The following SYNPR variants were observed in gnomAD, a reference collection of about 807,000 sequenced individuals.
The protein encoded by SYNPR is synaptoporin.
Under a neutral mutation model 32.9 loss-of-function variants are expected in SYNPR, and 23 were observed. That is an observed-to-expected ratio of 0.70 (90% CI 0.50 to 0.99). The LOEUF (loss-of-function observed/expected upper bound fraction) is 0.99, where lower values mean the gene tolerates loss of function less well. Among genes scored for constraint, SYNPR ranks in the 50% least tolerant of loss-of-function variants. The pLI is 0.00. For synonymous variants in SYNPR, 146 were observed against 135.9 expected, an observed-to-expected ratio of 1.07 and a Z score of -0.52; for missense variants, 318 against 349.3, an observed-to-expected ratio of 0.91 and a Z score of 0.71.
At chr3:63,205,876 T>C in the SYNPR span, among the ~76,000 whole-genome samples, 1 of 152,246 alleles carries the variant, frequency 6.6e-6, no homozygotes, top group Admixed American at 6.5e-5. Context: ...TGGACATTTC[T>C]GGCCATGAAT....
chr3:63,607,944 C>A (rs1189906933), intron 4 of SYNPR, among the ~76,000 whole-genome samples: 1 of 152,054 alleles, frequency 6.6e-6, no homozygotes, highest in African/African-American at 2.4e-5. Context: ...GAAACACATG[C>A]CAAATTTTCT....
chr3:63,453,748 C>G (rs1220671027), intron 2 of SYNPR, among the ~76,000 whole-genome samples: 1 of 152,204 alleles, frequency 6.6e-6, no homozygotes, highest in Non-Finnish European at 1.5e-5. Context: ...GTTTTTGAGC[C>G]TCCGTTTTCT....
chr3:63,335,239 G>A (rs2087275820), intron 2 of SYNPR, among the ~76,000 whole-genome samples: 1 of 151,622 alleles, frequency 6.6e-6, no homozygotes, highest in East Asian at 2.0e-4. Flanking sequence ...TGTAGTCCCA[G>A]CTACTCGGGA....
intron 1 of SYNPR, among the ~76,000 whole-genome samples, chr3:63,231,020 G>A (rs1381437152): frequency 6.6e-6 from 1 of 152,000 alleles, no homozygotes; most frequent in East Asian, 1.9e-4. Context: ...AGGAAACAAA[G>A]TCATCATATA....
intron 2 of SYNPR, among the ~76,000 whole-genome samples, chr3:63,255,303 C>T (rs1372159880): frequency 6.6e-6 from 1 of 152,116 alleles, no homozygotes; most frequent in African/African-American, 2.4e-5. Flanking sequence ...GCTTTCAACC[C>T]TGCCACAACA....
At chr3:63,374,699 G>T (rs1352513183) in intron 2 of SYNPR, among the ~76,000 whole-genome samples, 1 of 152,068 alleles carries the variant, frequency 6.6e-6, no homozygotes, top group East Asian at 1.9e-4. Context: ...ATGATATTTT[G>T]GATATAGTTT....
At chr3:63,220,255 A>T in the SYNPR span, among the ~76,000 whole-genome samples, 9 of 152,216 alleles carry the variant, frequency 5.9e-5, no homozygotes, top group Admixed American at 5.9e-4. Context: ...AAGAAAGAAA[A>T]ACAGTCAACA....
At chr3:63,313,694 T>C (rs1373520584) in intron 2 of SYNPR, among the ~76,000 whole-genome samples, 7 of 80,248 alleles carry the variant, frequency 8.7e-5, no homozygotes, top group African/African-American at 4.5e-4. Flanking sequence ...TATATCCATA[T>C]ATATATATCC....
At chr3:63,407,953 A>G (rs1452990883) in intron 2 of SYNPR, among the ~76,000 whole-genome samples, 6 of 151,944 alleles carry the variant, frequency 3.9e-5, no homozygotes, top group Non-Finnish European at 7.4e-5. Context: ...GATACTGGAC[A>G]TACTAAGGCC....
chr3:63,560,184 A>G (rs62250769), intron 4 of SYNPR, among the ~76,000 whole-genome samples: 13,640 of 152,256 alleles, frequency 0.09, 622 homozygotes, highest in East Asian at 0.14. Context: ...AAAGTCTCCT[A>G]GATGAAACTT....
intron 3 of SYNPR, among the ~76,000 whole-genome samples, chr3:63,490,258 A>G (rs917289696): frequency 4.6e-5 from 7 of 152,028 alleles, no homozygotes; most frequent in African/African-American, 1.4e-4. Flanking sequence ...GTTTTGCTGG[A>G]TTGGAATGAG....
At chr3:63,539,678 G>T (rs1245617208) in intron 3 of SYNPR, among the ~76,000 whole-genome samples, 1 of 152,098 alleles carries the variant, frequency 6.6e-6, no homozygotes, top group Non-Finnish European at 1.5e-5. Context: ...TAGGCACAAG[G>T]AGCCTTTATA....
In SYNPR at chr3:63,349,539, A is replaced by G. The variant is rs2087478783; in HGVS notation, c.84+70797A>G. Among the ~76,000 whole-genome samples the G allele has an allele frequency of 2.6e-5, 4 of 152,302 alleles. 1 individual carries two copies. Among genetic ancestry groups the G allele is most frequent in the Admixed American group, 6.5e-5 (1 of 15,294 alleles). Reference sequence around the variant, plus strand: ...ATCTTTCACCTCCTTGATTAAATATATTCCGAGATATTTTATTGTTTTTGT... The same window carrying G: ...ATCTTTCACCTCCTTGATTAAATATGTTCCGAGATATTTTATTGTTTTTGT... On this transcript the variant is annotated intron_variant, in intron 2 of 5. Transcript: ENST00000478300.
intron 2 of SYNPR, among the ~76,000 whole-genome samples, chr3:63,308,383 T>G (rs891443188): frequency 6.6e-6 from 1 of 152,038 alleles, no homozygotes; most frequent in Non-Finnish European, 1.5e-5. Flanking sequence ...ATTGACATAA[T>G]AAATTACTTA....
chr3:63,558,624 C>T (rs977774015), intron 4 of SYNPR, among the ~76,000 whole-genome samples: 12 of 152,118 alleles, frequency 7.9e-5, no homozygotes. Context: ...AGGCATAAGC[C>T]ACTCTACCTG....
intron 2 of SYNPR, among the ~76,000 whole-genome samples, chr3:63,310,485 C>G (rs1485768008): frequency 6.6e-6 from 1 of 151,958 alleles, no homozygotes; most frequent in Non-Finnish European, 1.5e-5. Context: ...TTAACCTCAT[C>G]ATTTTTTTCT....
At chr3:63,594,925 G>A (rs1438024722) in intron 4 of SYNPR, among the ~76,000 whole-genome samples, 1 of 152,134 alleles carries the variant, frequency 6.6e-6, no homozygotes, top group African/African-American at 2.4e-5. Context: ...ACTTCTGTGG[G>A]CCTCTTCCTG....
At chr3:63,594,113 T>C (rs1024940175) in intron 4 of SYNPR, among the ~76,000 whole-genome samples, 4 of 152,146 alleles carry the variant, frequency 2.6e-5, no homozygotes, top group African/African-American at 9.7e-5. Flanking sequence ...AACTAACAGC[T>C]ACTTCGCAGG....
chr3:63,289,998 C>T (rs1384310149), intron 2 of SYNPR, among the ~76,000 whole-genome samples: 1 of 151,714 alleles, frequency 6.6e-6, no homozygotes, highest in East Asian at 1.9e-4. Flanking sequence ...GGCGTGGTGG[C>T]GGGTGTCTGT....
Sources: gnomAD v4.1 joint callset for allele counts (sites outside exome capture counted in the v4.1 genomes callset) on GRCh38, gnomAD v4.1.1 for gene constraint, MANE v1.5 for transcripts, NCBI Gene and HGNC (gene_info 2026-07-23, HGNC 2026-07-21) for gene names.